SYT17: variants seen among roughly 807,000 people sequenced by gnomAD.
The protein encoded by SYT17 is synaptotagmin-17.
A neutral mutation model predicts 46.7 loss-of-function variants in SYT17; 22 were observed. That is an observed-to-expected ratio of 0.47 (90% confidence interval 0.34 to 0.67). The LOEUF (loss-of-function observed/expected upper bound fraction) is 0.67. Among genes scored for constraint, SYT17 ranks in the 30% least tolerant of loss-of-function variants. SYT17 has a pLI of 0.01. For missense variants in SYT17, 519 were observed against 612.8 expected, an observed-to-expected ratio of 0.85 and a Z score of 1.62; for synonymous variants, 251 against 248.4, an observed-to-expected ratio of 1.01 and a Z score of -0.10.
chr16:19,207,996 G>A (rs1231703777), intron 5 of SYT17, among the ~76,000 whole-genome samples: 2 of 152,124 alleles, frequency 1.3e-5, no homozygotes, highest in Non-Finnish European at 2.9e-5. Flanking sequence ...CTGATGAATG[G>A]CCAAACTTTA....
At chr16:19,225,354 A>AT (rs1401641437) in intron 7 of SYT17, among the ~76,000 whole-genome samples, 1 of 152,202 alleles carries the variant, frequency 6.6e-6, no homozygotes, top group African/African-American at 2.4e-5. Context: ...AGGATGTAGT[A>AT]TTTAAGTAGA....
intron 7 of SYT17, among the ~76,000 whole-genome samples, chr16:19,245,073 T>A (rs1967436946): frequency 6.6e-6 from 1 of 152,128 alleles, no homozygotes; most frequent in Non-Finnish European, 1.5e-5. Flanking sequence ...TCTGAGTTTA[T>A]GGTCAGGGTC....
chr16:19,173,399 T>TCCCCCCCCCCCCCCCCCCCCCCC, intron 2 of SYT17, 31 bp from the exon 3 acceptor site: 2 of 95,542 alleles, frequency 2.1e-5, no homozygotes, highest in South Asian at 1.1e-4. Flanking sequence ...CTCTCCCCCA[T>TCCCCCCCCCCCCCCCCCCCCCCC]CCCCCCGCCC....
intron 5 of SYT17, among the ~76,000 whole-genome samples, chr16:19,220,303 C>CTTTTTTTTTTTTTTTTTTTTTTTT (rs1555459738): frequency 2.1e-4 from 17 of 80,492 alleles, no homozygotes; most frequent in African/African-American, 3.5e-4. Context: ...TTCTTTCTTT[C>CTTTTTTTTTTTTTTTTTTTTTTTT]TTTTTTTTTT....
intron 5 of SYT17, among the ~76,000 whole-genome samples, chr16:19,212,151 G>A (rs370806821): frequency 2.5e-4 from 38 of 152,150 alleles, no homozygotes; most frequent in South Asian, 2.1e-4. Flanking sequence ...GGGTGATGCC[G>A]CTGGCATCCA....
Position 19,168,637 on chromosome 16 carries a change from G to C in SYT17, c.-10G>C, listed in dbSNP as rs1479540843. The C allele has an allele frequency of 8.4e-6, 13 of 1,538,522 alleles. No individual in the cohort carries two copies. The highest frequency in any genetic ancestry group is 1.4e-5 in the African/African-American group (1 of 71,106). On this transcript the variant is annotated 5_prime_UTR_variant, in exon 1 of 8. Transcript: ENST00000355377. The surrounding 1 kb of genome is among the most constrained non-coding windows in gnomAD (Gnocchi z 6.9). Reference sequence around the variant, plus strand: ...CATGCCCGGGCCGGAGTGAGTGCGCGCGGGCGAAAATGGCGTACATCCAGG... The same window carrying C: ...CATGCCCGGGCCGGAGTGAGTGCGCCCGGGCGAAAATGGCGTACATCCAGG...
chr16:19,211,602 C>T, intron 5 of SYT17: 2 of 624,744 alleles, frequency 3.2e-6, no homozygotes, highest in Non-Finnish European at 5.8e-6. Flanking sequence ...AAGTTCAAGC[C>T]TTGGGGCAGG....
chr16:19,194,176 C>G (rs1157159895), intron 5 of SYT17, among the ~76,000 whole-genome samples: 1 of 152,158 alleles, frequency 6.6e-6, no homozygotes, highest in South Asian at 2.1e-4. Flanking sequence ...TGCCAGTCCC[C>G]CCTTCTTATA....
In SYT17 at chr16:19,243,364, A is replaced by G. The variant is rs77643581; in HGVS notation, c.1228+18526A>G. ...ATTCCCCTTAGATGTCTGCTTTGGG[A>G]TCTTATTCTGCTTAATTGTATTTGG... On this transcript the variant is annotated intron_variant, in intron 7 of 7. Coordinates refer to ENST00000355377, the MANE Select transcript of SYT17 (RefSeq NM_016524.4). 6.1e-3 allele frequency among the ~76,000 whole-genome samples: 928 copies of G among 152,116 alleles called. 10 individuals carry two copies. The highest frequency in any genetic ancestry group is 0.02 in the African/African-American group (836 of 41,476).
intron 3 of SYT17, among the ~76,000 whole-genome samples, chr16:19,173,945 T>C (rs1964211410): frequency 6.6e-6 from 1 of 152,148 alleles, no homozygotes. Flanking sequence ...GCTGACCGCA[T>C]TCTGAGGGTT....
chr16:19,208,782 A>G (rs965387712), intron 5 of SYT17, among the ~76,000 whole-genome samples: 1 of 150,804 alleles, frequency 6.6e-6, no homozygotes, highest in African/African-American at 2.4e-5. Flanking sequence ...CCCTGTGTGC[A>G]TGTCTAAATG....
chr16:19,168,510 A>T lies in SYT17; in HGVS notation c.-137A>T. The T allele has an allele frequency of 8.1e-7, 1 of 1,241,034 alleles. No homozygotes were observed. The highest frequency in any genetic ancestry group is 1.1e-6 in the Non-Finnish European group (1 of 895,740). The allele number at this position is 1,241,034 out of a possible 1,614,324, so 76.9% of individuals were successfully genotyped here. ...GAGGGGCGGGCGCCGCTCATCAGCC[A>T]CGCCAGTCACGTCTGGGGCCACCGG... On this transcript the variant is annotated 5_prime_UTR_variant, in exon 1 of 8. Transcript: ENST00000355377. This position sits in a 1 kb window ranked among gnomAD's most constrained non-coding sequence, Gnocchi z 6.9.
rs141145491 is a variant in SYT17 at position 19,267,193 on chromosome 16, G to A, written c.*117G>A. 267 of 881,254 alleles carry A rather than the reference G, an allele frequency of 3.0e-4. 1 individual carries two copies. The highest frequency in any genetic ancestry group is 2.8e-3 in the Admixed American group (96 of 34,356). 54.6% of individuals were successfully genotyped at this position (881,254 alleles called of 1,614,324 possible). On this transcript the variant is annotated 3_prime_UTR_variant, in exon 8 of 8. Coordinates refer to ENST00000355377, the MANE Select transcript of SYT17 (RefSeq NM_016524.4). ...ACACACTCGCAACATGTCTACACAC[G>A]TCCACACACACAGACACACAGATAC...
intron 7 of SYT17, among the ~76,000 whole-genome samples, chr16:19,264,574 G>A (rs576435215): frequency 6.1e-5 from 9 of 148,304 alleles, no homozygotes; most frequent in Admixed American, 1.4e-4. Context: ...ATGAGAGTAC[G>A]TGAGACTGAG....
chr16:19,202,406 G>A (rs1488220003), intron 5 of SYT17, among the ~76,000 whole-genome samples: 1 of 152,236 alleles, frequency 6.6e-6, no homozygotes, highest in East Asian at 1.9e-4. Flanking sequence ...CATGAGGCAG[G>A]GGGTTGTGTG....
chr16:19,177,182 C>G (rs966653096), intron 3 of SYT17, among the ~76,000 whole-genome samples: 1 of 152,142 alleles, frequency 6.6e-6, no homozygotes, highest in Admixed American at 6.5e-5. Context: ...GAAGATACTT[C>G]TTTTGGTTTT....
At position 19,173,563 on chromosome 16, in the gene SYT17, A is replaced by G. The variant is rs1004743078; in HGVS notation, c.167A>G (p.Gln56Arg). 5.0e-6 allele frequency: 8 copies of G among 1,613,890 alleles called. No individual in the cohort carries two copies. Among genetic ancestry groups the G allele is most frequent in the Admixed American group, 3.3e-5 (2 of 59,960 alleles). ...GAAATTCTGGGACCTTTCCCTGCTCAGACCCCTCCCTGGCTGTAAGTAAAA... is the reference window on the plus strand; with the variant it reads ...GAAATTCTGGGACCTTTCCCTGCTCGGACCCCTCCCTGGCTGTAAGTAAAA... ...EVEILGPFPA[Q>R]TPPWLMASRS... The change falls in exon 3 of 8, where the codon CAG (glutamine) becomes CGG (arginine). Residue 56 changes from glutamine to arginine, a missense_variant. Physicochemically the swap from Gln to Arg is conservative, Grantham distance 43. Coordinates refer to ENST00000355377, the MANE Select transcript of SYT17 (RefSeq NM_016524.4).
chr16:19,250,805 G>A (rs536714992), intron 7 of SYT17, among the ~76,000 whole-genome samples: 2 of 151,938 alleles, frequency 1.3e-5, no homozygotes, highest in African/African-American at 4.8e-5. Flanking sequence ...CAAAATTAAC[G>A]ATCCCATGTG....
intron 5 of SYT17, among the ~76,000 whole-genome samples, chr16:19,217,518 A>G (rs1393200148): frequency 6.6e-6 from 1 of 152,184 alleles, no homozygotes; most frequent in Non-Finnish European, 1.5e-5. Context: ...AGGTTTGTCT[A>G]CATTGTATCA....
Sources: gnomAD v4.1 joint callset for allele counts (sites outside exome capture counted in the v4.1 genomes callset) on GRCh38, gnomAD v4.1.1 for gene constraint, Gnocchi (gnomAD v3.1) non-coding constraint, MANE v1.5 for transcripts, NCBI Gene and HGNC (gene_info 2026-07-23, HGNC 2026-07-21) for gene names.